TNFRSF8: variants seen among roughly 807,000 people sequenced by gnomAD.
TNFRSF8 encodes the protein tumor necrosis factor receptor superfamily member 8.
TNFRSF8 carries 26 observed loss-of-function variants against 70.8 expected under a neutral mutation model. The ratio of observed to expected loss-of-function variants is 0.37; its 90% CI spans 0.27 to 0.51. The LOEUF is 0.51. TNFRSF8 is among the 20% of genes least tolerant of loss of function. TNFRSF8 has a pLI of 0.94. For missense variants in TNFRSF8, 720 were observed against 807.9 expected (o/e 0.89, Z 1.32); for synonymous variants, 356 against 339.2 (o/e 1.05, Z -0.54).
intron 4 of TNFRSF8, among the ~76,000 whole-genome samples, chr1:12,106,535 C>T (rs1641527193): frequency 6.6e-6 from 1 of 152,204 alleles, no homozygotes; most frequent in African/African-American, 2.4e-5. Flanking sequence ...TGGTGTCCAT[C>T]AACATCTCCC....
At chr1:12,127,834 T>C (rs1487006207) in intron 12 of TNFRSF8, among the ~76,000 whole-genome samples, 1 of 152,168 alleles carries the variant, frequency 6.6e-6, no homozygotes, top group African/African-American at 2.4e-5. Flanking sequence ...AGAGCAGTTT[T>C]GTTACAGAAG....
intron 12 of TNFRSF8, among the ~76,000 whole-genome samples, chr1:12,133,130 G>A (rs1337465583): frequency 6.6e-6 from 1 of 151,970 alleles, no homozygotes; most frequent in East Asian, 1.9e-4. Flanking sequence ...GTTTTCTTTC[G>A]GGTTATTTCC....
chr1:12,099,355 G>A (rs1641381170), intron 3 of TNFRSF8, among the ~76,000 whole-genome samples: 1 of 152,016 alleles, frequency 6.6e-6, no homozygotes, highest in Admixed American at 6.6e-5. Flanking sequence ...ATGTTGCCCA[G>A]GCTGGTCTCA....
In TNFRSF8 at chr1:12,138,311, A is replaced by G. The variant is rs761036790; in HGVS notation, c.1418A>G (p.His473Arg). 1.2e-6 allele frequency: 2 copies of G among 1,613,758 alleles called. No homozygotes were observed. Among genetic ancestry groups the G allele is most frequent in the Non-Finnish European group, 8.5e-7 (1 of 1,179,970 alleles). ...AGCCAGCCACTGATGGAGACCTGCC[A>G]CAGCGTGGGGGCAGCCTACCTGGAG... ...LMSQPLMETC[H>R]SVGAAYLESL... The change falls in exon 14 of 15, where the codon CAC becomes CGC. Residue 473 changes from histidine to arginine, a missense_variant. Physicochemically the swap from His to Arg is conservative, Grantham distance 29 (BLOSUM62 0). Coordinates refer to ENST00000263932, the MANE Select transcript of TNFRSF8 (RefSeq NM_001243.5). The surrounding 1 kb of genome is among the most constrained non-coding windows in gnomAD (Gnocchi z 5.7).
intron 1 of TNFRSF8, among the ~76,000 whole-genome samples, chr1:12,067,476 GCCAGGAGTTCAAGA>G (rs1557570162): frequency 6.6e-6 from 1 of 152,102 alleles, no homozygotes; most frequent in East Asian, 1.9e-4. Flanking sequence ...ATTACTTGAG[GCCAGGAGTTCAAGA>G]CCAGCCTGGT....
chr1:12,105,598 C>T (rs1006647316), intron 4 of TNFRSF8, among the ~76,000 whole-genome samples: 2 of 151,034 alleles, frequency 1.3e-5, no homozygotes, highest in African/African-American at 4.9e-5. Flanking sequence ...CACACACACA[C>T]GGATATATAC....
At chr1:12,105,020 A>G (rs1292389356) in intron 4 of TNFRSF8, among the ~76,000 whole-genome samples, 8 of 152,036 alleles carry the variant, frequency 5.3e-5, no homozygotes, top group Admixed American at 4.6e-4. Context: ...TCTGACTTCT[A>G]CTTCTCTGAT....
intron 14 of TNFRSF8, among the ~76,000 whole-genome samples, chr1:12,139,375 G>A (rs1176615305): frequency 2.0e-5 from 3 of 152,032 alleles, no homozygotes; most frequent in Middle Eastern, 3.4e-3. Flanking sequence ...CTACCCCCTC[G>A]CCTGAAATAG....
chr1:12,107,683 T>G (rs1641548903), intron 4 of TNFRSF8, among the ~76,000 whole-genome samples: 2 of 146,370 alleles, frequency 1.4e-5, no homozygotes, highest in Admixed American at 7.0e-5. Flanking sequence ...TTTAGAAGTG[T>G]TCTAATCTCA....
chr1:12,130,483 C>T (rs1263417681), intron 12 of TNFRSF8, among the ~76,000 whole-genome samples: 1 of 152,138 alleles, frequency 6.6e-6, no homozygotes, highest in African/African-American at 2.4e-5. Context: ...TCCAAGGAGC[C>T]CGGGGTTTGC....
intron 1 of TNFRSF8, among the ~76,000 whole-genome samples, chr1:12,076,097 C>CTTTTTTTT (rs397829917): frequency 3.6e-5 from 5 of 139,482 alleles, no homozygotes; most frequent in East Asian, 2.0e-4. Flanking sequence ...TTTTTTTTTT[C>CTTTTTTTT]TTTTTCTTTT....
In TNFRSF8 at chr1:12,111,928, G is replaced by A. The variant is rs1557593818; in HGVS notation, c.707G>A (p.Gly236Glu). 1.2e-6 allele frequency: 2 copies of A among 1,614,100 alleles called. No homozygotes were observed. Among genetic ancestry groups the A allele is most frequent in the Non-Finnish European group, 8.5e-7 (1 of 1,180,036 alleles). ...TCCCCAACACAGCCATGCCCAGAGGGGTCTGGTGATTGCAGAAAGCAGTGT... is the reference window on the plus strand; with the variant it reads ...TCCCCAACACAGCCATGCCCAGAGGAGTCTGGTGATTGCAGAAAGCAGTGT... ...GLSPTQPCPE[G>E]SGDCRKQCEP... The change falls in exon 7 of 15, where the codon GGG becomes GAG. Residue 236 changes from glycine to glutamate, a missense_variant. Physicochemically the swap from Gly to Glu is moderately conservative, Grantham distance 98. Coordinates refer to ENST00000263932, the MANE Select transcript of TNFRSF8 (RefSeq NM_001243.5).
chr1:12,104,022 C>A (rs11121860), intron 3 of TNFRSF8, among the ~76,000 whole-genome samples: 8,723 of 152,170 alleles, frequency 0.057, 338 homozygotes, highest in Non-Finnish European at 0.08. Context: ...GTTGGTTCAC[C>A]TCTCCCTCCC....
chr1:12,128,706 T>C (rs1279120241), intron 12 of TNFRSF8, among the ~76,000 whole-genome samples: 1 of 152,162 alleles, frequency 6.6e-6, no homozygotes, highest in African/African-American at 2.4e-5. Context: ...CGCTATCCTA[T>C]AGGACGTTGT....
chr1:12,106,391 G>T (rs1246460569), intron 4 of TNFRSF8, among the ~76,000 whole-genome samples: 1 of 152,082 alleles, frequency 6.6e-6, no homozygotes, highest in African/African-American at 2.4e-5. Context: ...GGCCTTCCCT[G>T]GCCTCTCACT....
At chr1:12,137,738 AG>A (rs911328600) in intron 13 of TNFRSF8, among the ~76,000 whole-genome samples, 4 of 151,948 alleles carry the variant, frequency 2.6e-5, no homozygotes, top group African/African-American at 9.7e-5. Flanking sequence ...GGGGAGCTGG[AG>A]GGGCTGCTCC....
In TNFRSF8 at chr1:12,088,050, G is replaced by T. The variant is rs1276326652; in HGVS notation, c.151+3499G>T. The stretch of plus-strand genomic sequence containing the variant: ...CTTGACATTTTGCCTGCCCTGTGCA[G>T]CCAGCACTCAGCTGTGTGGCCGGGT... On this transcript the variant is annotated intron_variant, in intron 2 of 14. Coordinates refer to ENST00000263932, the MANE Select transcript of TNFRSF8 (RefSeq NM_001243.5). The surrounding 1 kb of genome is among the most constrained non-coding windows in gnomAD (Gnocchi z 4.0). 6.6e-6 allele frequency among the ~76,000 whole-genome samples: 1 copy of T among 152,162 alleles called. No homozygotes were observed. Among genetic ancestry groups the T allele is most frequent in the Non-Finnish European group, 1.5e-5 (1 of 68,026 alleles).
At chr1:12,072,070 T>G (rs1384399114) in intron 1 of TNFRSF8, among the ~76,000 whole-genome samples, 1 of 152,196 alleles carries the variant, frequency 6.6e-6, no homozygotes. Context: ...TGACACTAGA[T>G]GGTGACTTGA....
intron 1 of TNFRSF8, among the ~76,000 whole-genome samples, chr1:12,068,044 G>A (rs1301932062): frequency 6.6e-6 from 1 of 152,038 alleles, no homozygotes; most frequent in African/African-American, 2.4e-5. Context: ...AGTGAGTGCC[G>A]GAAGGAGGGG....
Sources: allele counts gnomAD v4.1 joint callset (sites outside exome capture counted in the v4.1 genomes callset), GRCh38; gene constraint gnomAD v4.1.1; non-coding constraint Gnocchi (gnomAD v3.1); transcripts MANE v1.5; gene names NCBI Gene and HGNC (gene_info 2026-07-23, HGNC 2026-07-21).